FGF9: variants seen among roughly 807,000 people sequenced by gnomAD.
FGF9 encodes the protein fibroblast growth factor 9.
Under a neutral mutation model 19.9 loss-of-function variants are expected in FGF9, and 3 were observed. The ratio of observed to expected loss-of-function variants is 0.15; its 90% CI spans 0.07 to 0.39. FGF9 has a LOEUF of 0.39. Among genes scored for constraint, FGF9 ranks in the 10% least tolerant of loss-of-function variants. The pLI, the probability that FGF9 is intolerant of heterozygous loss-of-function variation, is 1.00. For missense variants in FGF9, 175 were observed against 256.8 expected, an observed-to-expected ratio of 0.68 and a Z score of 2.18; for synonymous variants, 107 against 106.9, an observed-to-expected ratio of 1.00 and a Z score of -0.01.
At chr13:21,675,163 G>T (rs1028104030) in intron 1 of FGF9, among the ~76,000 whole-genome samples, 1 of 152,012 alleles carries the variant, frequency 6.6e-6, no homozygotes, top group Non-Finnish European at 1.5e-5. Flanking sequence ...GGGGAAGGGC[G>T]CTCTGGCGCT....
In FGF9 at chr13:21,671,610, C is replaced by G. The variant is rs1417563912; in HGVS notation, c.-303C>G. The stretch of plus-strand genomic sequence containing the variant: ...TACGGTCGGATGGGATGAAGACCTT[C>G]CTGCCTGCTAAGAGCTGGGGATCTA... On this transcript the variant is annotated 5_prime_UTR_variant, in exon 1 of 3. Coordinates refer to ENST00000382353, the MANE Select transcript of FGF9 (RefSeq NM_002010.3). The G allele has an allele frequency of 3.7e-6, 2 of 542,210 alleles. No individual in the cohort carries two copies. Among genetic ancestry groups the G allele is most frequent in the Non-Finnish European group, 3.2e-6 (1 of 308,842 alleles). The allele number at this position is 542,210 out of a possible 1,614,324, so 33.6% of individuals were successfully genotyped here.
intron 2 of FGF9, among the ~76,000 whole-genome samples, chr13:21,699,937 T>C (rs1320495041): frequency 1.3e-5 from 2 of 152,154 alleles, no homozygotes; most frequent in Non-Finnish European, 2.9e-5. Context: ...GGCCAGTAAG[T>C]CCTGTCACCT....
In FGF9 at chr13:21,700,015, G is replaced by GGTGTGTGT. The variant is rs3076108; in HGVS notation, c.382-1148_382-1141dup. 6.3e-3 allele frequency among the ~76,000 whole-genome samples: 931 copies of GGTGTGTGT among 146,812 alleles called. 12 individuals carry two copies. Among genetic ancestry groups the GGTGTGTGT allele is most frequent in the African/African-American group, 0.02 (805 of 39,770 alleles). ...GGGCGTGTTCACAGCTTTGGGATGT[G>GGTGTGTGT]GTGTGTGTGTGTGTGTGTGTGTGTG... On this transcript the variant is annotated intron_variant, in intron 2 of 2. Coordinates refer to ENST00000382353, the MANE Select transcript of FGF9 (RefSeq NM_002010.3).
At chr13:21,698,352 A>G (rs1313195624) in intron 2 of FGF9, among the ~76,000 whole-genome samples, 1 of 152,186 alleles carries the variant, frequency 6.6e-6, no homozygotes, top group Admixed American at 6.5e-5. Flanking sequence ...AGGTTCTAAG[A>G]TGTTAAGATG....
rs571775327 is a variant in FGF9, at chr13:21,672,335, T to C, written c.277+146T>C. On this transcript the variant is annotated intron_variant, in intron 1 of 2. Transcript: ENST00000382353. This position sits in a 1 kb window ranked among gnomAD's most constrained non-coding sequence, Gnocchi z 4.2. Reference sequence around the variant, plus strand: ...GTATCTCTGTCTCTCTCTCTCTCTGTCTTGCCAGCTCCGAAAAAAAAATGC... The same window carrying C: ...GTATCTCTGTCTCTCTCTCTCTCTGCCTTGCCAGCTCCGAAAAAAAAATGC... The C allele has an allele frequency of 5.1e-4, 466 of 907,844 alleles. 1 individual carries two copies. Among genetic ancestry groups the C allele is most frequent in the Admixed American group, 7.2e-4 (33 of 45,980 alleles). 56.2% of individuals were successfully genotyped at this position (907,844 alleles called of 1,614,324 possible).
chr13:21,696,880 G>T (rs868309952), intron 2 of FGF9, among the ~76,000 whole-genome samples: 3 of 152,218 alleles, frequency 2.0e-5, no homozygotes, highest in Non-Finnish European at 4.4e-5. Flanking sequence ...ATAAGAGGAA[G>T]AAATTATTTA....
chr13:21,700,651 A>T (rs568053069), intron 2 of FGF9, among the ~76,000 whole-genome samples: 1 of 152,374 alleles, frequency 6.6e-6, no homozygotes, highest in South Asian at 2.1e-4. Flanking sequence ...AAGCTGTTAT[A>T]TCTGAGCCTT....
At chr13:21,699,219 C>T (rs532845613) in intron 2 of FGF9, among the ~76,000 whole-genome samples, 7 of 152,300 alleles carry the variant, frequency 4.6e-5, no homozygotes, top group South Asian at 4.2e-4. Context: ...CTGCTTCTCC[C>T]GGCCACCCTC....
At chr13:21,689,203 G>A (rs1176822396) in intron 2 of FGF9, among the ~76,000 whole-genome samples, 1 of 152,142 alleles carries the variant, frequency 6.6e-6, no homozygotes, top group Admixed American at 6.5e-5. Flanking sequence ...ATTTTCTGAA[G>A]TGCCCCTGCC....
At chr13:21,699,864 CTG>C (rs1872498468) in intron 2 of FGF9, among the ~76,000 whole-genome samples, 1 of 152,102 alleles carries the variant, frequency 6.6e-6, no homozygotes, top group Non-Finnish European at 1.5e-5. Flanking sequence ...TTCGTGTTTA[CTG>C]TTTTAAACAC....
In FGF9 at chr13:21,702,012, A is replaced by C. The variant is rs1872562055; in HGVS notation, c.*577A>C. ...AAAATAAAAAAAAATAAAAAATAAA[A>C]ATAAAAAAAGTTAAATTTATTTATA... On this transcript the variant is annotated 3_prime_UTR_variant, in exon 3 of 3. Coordinates refer to ENST00000382353, the MANE Select transcript of FGF9 (RefSeq NM_002010.3). 6.6e-6 allele frequency: 1 copy of C among 151,550 alleles called. No individual in the cohort carries two copies. Among genetic ancestry groups the C allele is most frequent in the Admixed American group, 6.6e-5 (1 of 15,236 alleles). 9.4% of individuals were successfully genotyped at this position (151,550 alleles called of 1,614,324 possible).
chr13:21,693,495 G>A (rs936816754), intron 2 of FGF9, among the ~76,000 whole-genome samples: 5 of 152,142 alleles, frequency 3.3e-5, no homozygotes, highest in South Asian at 2.1e-4. Context: ...TTCAGGGTGC[G>A]TTTTCTCTGC....
chr13:21,675,844 A>T (rs966368489), intron 1 of FGF9, among the ~76,000 whole-genome samples: 1 of 151,758 alleles, frequency 6.6e-6, no homozygotes. Flanking sequence ...GCAGCAGTGC[A>T]GAGGACGTGG....
intron 2 of FGF9, among the ~76,000 whole-genome samples, chr13:21,695,653 C>G (rs1237079950): frequency 2.0e-5 from 3 of 152,168 alleles, no homozygotes; most frequent in African/African-American, 7.2e-5. Flanking sequence ...GCAACAACTC[C>G]CATTAAGGCT....
At chr13:21,689,431 G>T (rs566679523) in intron 2 of FGF9, among the ~76,000 whole-genome samples, 1 of 150,292 alleles carries the variant, frequency 6.7e-6, no homozygotes, top group African/African-American at 2.4e-5. Flanking sequence ...TGTATTGTCA[G>T]TGGGATCCCA....
intron 2 of FGF9, among the ~76,000 whole-genome samples, chr13:21,682,481 T>TA (rs1279874781): frequency 6.6e-6 from 1 of 152,168 alleles, no homozygotes; most frequent in Non-Finnish European, 1.5e-5. Flanking sequence ...TATGTATATA[T>TA]AGATACACAC....
At chr13:21,690,017 A>C (rs2138141130) in intron 2 of FGF9, among the ~76,000 whole-genome samples, 1 of 152,300 alleles carries the variant, frequency 6.6e-6, no homozygotes, top group Non-Finnish European at 1.5e-5. Context: ...AGAACCCCTC[A>C]ACCAGAGCCT....
At position 21,675,391 on chromosome 13, in the gene FGF9, C is replaced by A. The variant is rs376843117; in HGVS notation, c.277+3202C>A. ...CTCCGCAGAGCGGTGGTGCGTGTGCCGGGAGCCTCCTACCCTCGCCTTCCC... is the reference window on the plus strand; with the variant it reads ...CTCCGCAGAGCGGTGGTGCGTGTGCAGGGAGCCTCCTACCCTCGCCTTCCC... On this transcript the variant is annotated intron_variant, in intron 1 of 2. Coordinates refer to ENST00000382353, the MANE Select transcript of FGF9 (RefSeq NM_002010.3). 2.3e-3 allele frequency among the ~76,000 whole-genome samples: 349 copies of A among 152,190 alleles called. 3 individuals are homozygous for A. Among genetic ancestry groups the A allele is most frequent in the African/African-American group, 8.0e-3 (333 of 41,570 alleles).
rs3825497 is a variant in FGF9, at chr13:21,698,228, A to G, written c.382-2962A>G. The stretch of plus-strand genomic sequence containing the variant: ...CTTCTTGCTCTGGTGGCTTCATTAC[A>G]TAATAACAAGATCCTGTGGCACAGA... On this transcript the variant is annotated intron_variant, in intron 2 of 2. Transcript: ENST00000382353. 9.4e-4 allele frequency among the ~76,000 whole-genome samples: 143 copies of G among 152,330 alleles called. 7 individuals carry two copies. The East Asian group carries it at 0.017, about 18-fold the overall frequency.
Sources: gnomAD v4.1 joint callset for allele counts (sites outside exome capture counted in the v4.1 genomes callset) on GRCh38, gnomAD v4.1.1 for gene constraint, Gnocchi (gnomAD v3.1) non-coding constraint, MANE v1.5 for transcripts, NCBI Gene and HGNC (gene_info 2026-07-23, HGNC 2026-07-21) for gene names.